Variants in ALCAM observed in about 807,000 individuals in gnomAD.
ALCAM encodes activated leukocyte cell adhesion molecule, also known as CD166 antigen.
ALCAM carries 30 observed loss-of-function variants against 70.9 expected under a neutral mutation model. The ratio of observed to expected loss-of-function variants is 0.42; its 90% CI spans 0.32 to 0.57. The LOEUF is 0.57. Ranked by LOEUF, ALCAM falls within the 20% of genes least tolerant of loss-of-function variation. The pLI, the probability that ALCAM is intolerant of heterozygous loss-of-function variation, is 0.11. For synonymous variants in ALCAM, 249 were observed against 242.5 expected, an observed-to-expected ratio of 1.03 and a Z score of -0.25; for missense variants, 591 against 695.1, an observed-to-expected ratio of 0.85 and a Z score of 1.68.
At chr3:105,416,732 A>G (rs1339318884) in intron 1 of ALCAM, among the ~76,000 whole-genome samples, 3 of 151,978 alleles carry the variant, frequency 2.0e-5, no homozygotes, top group Admixed American at 6.6e-5. Context: ...TCAAGCCACC[A>G]TCATTTCTTC....
intron 1 of ALCAM, among the ~76,000 whole-genome samples, chr3:105,476,977 G>T (rs1341934269): frequency 1.3e-5 from 2 of 151,910 alleles, no homozygotes; most frequent in East Asian, 3.9e-4. Flanking sequence ...AAGATCTGAT[G>T]GGTTTATCAG....
chr3:105,384,825 CT>C (rs1296372656), intron 1 of ALCAM, among the ~76,000 whole-genome samples: 1 of 151,276 alleles, frequency 6.6e-6, no homozygotes, highest in Non-Finnish European at 1.5e-5. Flanking sequence ...CACTTTCAGC[CT>C]TTTAAATATA....
At chr3:105,561,514 T>C (rs1412096181) in intron 14 of ALCAM, among the ~76,000 whole-genome samples, 2 of 152,150 alleles carry the variant, frequency 1.3e-5, no homozygotes, top group Non-Finnish European at 2.9e-5. Flanking sequence ...TGTATGTCCC[T>C]ACCCAGAGTT....
At chr3:105,389,759 C>T (rs1414453134) in intron 1 of ALCAM, among the ~76,000 whole-genome samples, 1 of 150,830 alleles carries the variant, frequency 6.6e-6, no homozygotes, top group Admixed American at 6.6e-5. Context: ...TCAACAGGTC[C>T]CATTGTGTGT....
intron 1 of ALCAM, among the ~76,000 whole-genome samples, chr3:105,376,962 A>G (rs981488190): frequency 6.6e-6 from 1 of 152,138 alleles, no homozygotes; most frequent in Non-Finnish European, 1.5e-5. Context: ...CTTTCCTGCA[A>G]TCTCCCTAAT....
chr3:105,524,656 A>T (rs1939650025), intron 3 of ALCAM, 148 bp downstream of exon 3: 1 of 1,368,680 alleles, frequency 7.3e-7, no homozygotes, highest in South Asian at 2.1e-5. Context: ...TTCTGCTCAT[A>T]TATACTATCA....
At chr3:105,434,488 T>C (rs1937007650) in intron 1 of ALCAM, among the ~76,000 whole-genome samples, 1 of 152,076 alleles carries the variant, frequency 6.6e-6, no homozygotes, top group African/African-American at 2.4e-5. Flanking sequence ...GGCTTGTCCT[T>C]ACTTCAAAAA....
Position 105,367,323 on chromosome 3 carries a change from CA to C in ALCAM, c.-85del. ...ACGCTGCCCCTGCGTCGGGACCCGC[CA>C]GCGCGCGGGCACCGCGGGGCCCGGG... is the stretch of plus-strand genomic sequence containing the variant. On this transcript the variant is annotated 5_prime_UTR_variant, in exon 1 of 16. Coordinates refer to ENST00000306107, the MANE Select transcript of ALCAM (RefSeq NM_001627.4). 7.0e-7 allele frequency: 1 copy of C among 1,429,152 alleles called. No homozygotes were observed. The highest frequency in any genetic ancestry group is 9.7e-7 in the Non-Finnish European group (1 of 1,027,678). 88.5% of individuals were successfully genotyped at this position (1,429,152 alleles called of 1,614,324 possible).
intron 1 of ALCAM, among the ~76,000 whole-genome samples, chr3:105,455,638 G>T (rs955045040): frequency 4.6e-5 from 7 of 152,170 alleles, no homozygotes; most frequent in Admixed American, 2.0e-4. Context: ...AGGACTGGGC[G>T]GAAGTAGCTT....
At chr3:105,384,208 C>G (rs1935594549) in intron 1 of ALCAM, among the ~76,000 whole-genome samples, 1 of 151,536 alleles carries the variant, frequency 6.6e-6, no homozygotes, top group East Asian at 1.9e-4. Flanking sequence ...TTCATTTTTA[C>G]TGAAAAATAA....
At chr3:105,409,124 T>C (rs1471394156) in intron 1 of ALCAM, among the ~76,000 whole-genome samples, 2 of 152,070 alleles carry the variant, frequency 1.3e-5, no homozygotes, top group South Asian at 2.1e-4. Context: ...ACAACCACTA[T>C]GGAAAAACAA....
intron 1 of ALCAM, among the ~76,000 whole-genome samples, chr3:105,488,610 AAGAG>A (rs754401763): frequency 3.3e-5 from 5 of 151,510 alleles, no homozygotes; most frequent in African/African-American, 1.2e-4. Context: ...AACAAAGTAA[AAGAG>A]AGACAGGAAG....
At chr3:105,368,141 G>A (rs1935118991) in intron 1 of ALCAM, among the ~76,000 whole-genome samples, 1 of 150,554 alleles carries the variant, frequency 6.6e-6, no homozygotes, top group South Asian at 2.1e-4. Flanking sequence ...AGGTAGGCCT[G>A]GGAGACACCT....
chr3:105,543,489 T>A (rs1043596014), intron 8 of ALCAM, among the ~76,000 whole-genome samples: 3 of 151,702 alleles, frequency 2.0e-5, no homozygotes, highest in African/African-American at 7.3e-5. Flanking sequence ...TACCCACTTA[T>A]CTTTGATTGC....
At chr3:105,368,263 G>GAGAGAGAGAGAA in intron 1 of ALCAM, among the ~76,000 whole-genome samples, 1 of 143,340 alleles carries the variant, frequency 7.0e-6, no homozygotes, top group South Asian at 2.3e-4. Flanking sequence ...GAGAGAGAGA[G>GAGAGAGAGAGAA]AAAAGGCAAA....
chr3:105,542,254 CTATA>C (rs1940135323), intron 8 of ALCAM, among the ~76,000 whole-genome samples: 1 of 151,756 alleles, frequency 6.6e-6, no homozygotes. Context: ...TGAATGTACT[CTATA>C]TAGAGGGGTA....
At chr3:105,574,120 C>A (rs893411934) in intron 15 of ALCAM, among the ~76,000 whole-genome samples, 1 of 151,924 alleles carries the variant, frequency 6.6e-6, no homozygotes, top group Non-Finnish European at 1.5e-5. Context: ...TCTTCAAAAT[C>A]GTATAACTTC....
At chr3:105,519,652 A>G (rs970116863) in intron 1 of ALCAM, among the ~76,000 whole-genome samples, 2 of 152,164 alleles carry the variant, frequency 1.3e-5, no homozygotes, top group African/African-American at 4.8e-5. Context: ...ATATAGTTAA[A>G]GCTAGTTTTG....
Position 105,524,187 on chromosome 3 carries a change from A to G in ALCAM, c.175-102A>G, listed in dbSNP as rs941280732. On this transcript the variant is annotated intron_variant, in intron 2 of 15. Transcript: ENST00000306107. ...AAATTATTCTTCGTAGACAAAAAAT[A>G]TAGATATTGGTAGAATATGGCCAAG... The G allele has an allele frequency of 6.2e-5, 60 of 963,582 alleles. No individual in the cohort carries two copies. In the African/African-American group the frequency reaches 7.8e-4, roughly 12 times the overall value. 59.7% of individuals were successfully genotyped at this position (963,582 alleles called of 1,614,324 possible).
Sources: gnomAD v4.1 joint callset for allele counts (sites outside exome capture counted in the v4.1 genomes callset) on GRCh38, gnomAD v4.1.1 for gene constraint, MANE v1.5 for transcripts, NCBI Gene and HGNC (gene_info 2026-07-23, HGNC 2026-07-21) for gene names.